CHORDC1: variants seen among roughly 807,000 people sequenced by gnomAD.
The protein encoded by CHORDC1 is cysteine and histidine-rich domain-containing protein 1.
A neutral mutation model predicts 48.3 loss-of-function variants in CHORDC1; 25 were observed. The observed-to-expected ratio is 0.52, with a 90% confidence interval of 0.38 to 0.72. The LOEUF is 0.72. Among genes scored for constraint, CHORDC1 ranks in the 30% least tolerant of loss-of-function variants. The probability of loss-of-function intolerance (pLI) is 0.00; values close to 1 mark genes in which losing one functional copy is unlikely to be tolerated. For synonymous variants in CHORDC1, 128 were observed against 126.4 expected (o/e 1.01, Z -0.09); for missense variants, 317 against 388.7 (o/e 0.82, Z 1.55).
chr11:90,205,887 C>A, intron 7 of CHORDC1: 1 of 439,882 alleles, frequency 2.3e-6, no homozygotes, highest in East Asian at 4.5e-5. Context: ...ATTCTAAATG[C>A]CCTGCAATGT....
At chr11:90,203,977 A>G (rs182196979) in intron 8 of CHORDC1, among the ~76,000 whole-genome samples, 1 of 152,264 alleles carries the variant, frequency 6.6e-6, no homozygotes, top group East Asian at 1.9e-4. Flanking sequence ...CTTACATACC[A>G]GTAGTATACT....
intron 7 of CHORDC1, chr11:90,205,988 TGACC>T: frequency 1.8e-6 from 1 of 554,228 alleles, no homozygotes; most frequent in Non-Finnish European, 3.3e-6. Context: ...TATATCACAA[TGACC>T]ACTTAAGAAC....
chr11:90,205,954 G>T, intron 7 of CHORDC1: 1 of 502,162 alleles, frequency 2.0e-6, no homozygotes, highest in Non-Finnish European at 3.6e-6. Flanking sequence ...TTTAAATACA[G>T]AATATGAAGA....
Position 90,214,817 on chromosome 11 carries a change from T to A in CHORDC1, c.171+357A>T, listed in dbSNP as rs1857967286. 2.0e-5 allele frequency among the ~76,000 whole-genome samples: 3 copies of A among 152,072 alleles called. No homozygotes were observed. In the South Asian group the frequency reaches 6.2e-4, roughly 32 times the overall value. On this transcript the variant is annotated intron_variant, in intron 3 of 10. Transcript: ENST00000320585. The stretch of plus-strand genomic sequence containing the variant: ...TTTCTTAGTGGTATATAAAGTGGTT[T>A]TATATAAAAGTGGTATGTAAAATAT...
At chr11:90,210,995 T>A (rs974647843) in intron 5 of CHORDC1, 11 of 323,892 alleles carry the variant, frequency 3.4e-5, no homozygotes, top group East Asian at 3.0e-4. Context: ...AGAAAAAAAA[T>A]TTAATATAGG....
In CHORDC1 at chr11:90,200,856, A is replaced by G. The variant is rs954605418; in HGVS notation, c.*1549T>C. Reference sequence around the variant, plus strand: ...ATTATCAACCTTTCCCCCAACCCATAAAGACTTCATGTCTCTAAATGGTTC... The same window carrying G: ...ATTATCAACCTTTCCCCCAACCCATGAAGACTTCATGTCTCTAAATGGTTC... On this transcript the variant is annotated 3_prime_UTR_variant, in exon 11 of 11. Coordinates refer to ENST00000320585, the MANE Select transcript of CHORDC1 (RefSeq NM_012124.3). Among the ~76,000 whole-genome samples, 1 of 152,016 alleles carries G rather than the reference A, an allele frequency of 6.6e-6. No individual in the cohort carries two copies. The highest frequency in any genetic ancestry group is 2.4e-5 in the African/African-American group (1 of 41,450).
At chr11:90,213,837 T>C (rs1212217299) in intron 4 of CHORDC1, 181 bp downstream of exon 4, 2 of 556,040 alleles carry the variant, frequency 3.6e-6, no homozygotes, top group Middle Eastern at 3.9e-4. Context: ...ATTGTGTACA[T>C]GCTCTCAAGT....
Position 90,202,338 on chromosome 11 carries a change from C to CA in CHORDC1, c.*66dup, listed in dbSNP as rs1369454116. 9.8e-6 allele frequency: 14 copies of CA among 1,434,430 alleles called. No homozygotes were observed. In the East Asian group the frequency reaches 1.4e-4, roughly 14 times the overall value. The allele number at this position is 1,434,430 out of a possible 1,614,324, so 88.9% of individuals were successfully genotyped here. A position where few individuals can be genotyped will look rare whatever the true frequency, so the allele number is the denominator to read the frequency against. ...ACAACAAAACAAAAGATTACAGCAG[C>CA]AAGCCACCACTTCACACAGTATTAA... On this transcript the variant is annotated 3_prime_UTR_variant, in exon 11 of 11. Transcript: ENST00000320585.
At chr11:90,205,298 C>A (rs1308905909) in intron 8 of CHORDC1, among the ~76,000 whole-genome samples, 162 bp downstream of exon 8, 1 of 152,174 alleles carries the variant, frequency 6.6e-6, no homozygotes, top group Non-Finnish European at 1.5e-5. Flanking sequence ...AGTACACTGG[C>A]AGCTTGACTC....
rs1857545379 is a variant in CHORDC1 at position 90,201,589 on chromosome 11, T to C, written c.*816A>G. 6.6e-6 allele frequency: 1 copy of C among 152,396 alleles called. No individual in the cohort carries two copies. Among genetic ancestry groups the C allele is most frequent in the Admixed American group, 6.6e-5 (1 of 15,266 alleles). The allele number at this position is 152,396 out of a possible 1,614,324, so 9.4% of individuals were successfully genotyped here. On this transcript the variant is annotated 3_prime_UTR_variant, in exon 11 of 11. Coordinates refer to ENST00000320585, the MANE Select transcript of CHORDC1 (RefSeq NM_012124.3). Reference sequence around the variant, plus strand: ...TTTTCCATCAGGGAGGCAAGATATATATAATTTCTTTTTATATTTAACTAA... The same window carrying C: ...TTTTCCATCAGGGAGGCAAGATATACATAATTTCTTTTTATATTTAACTAA...
intron 8 of CHORDC1, among the ~76,000 whole-genome samples, chr11:90,203,820 T>A (rs1857601718): frequency 6.6e-6 from 1 of 152,154 alleles, no homozygotes; most frequent in African/African-American, 2.4e-5. Flanking sequence ...CTGGGATAAA[T>A]CAGACAACAC....
intron 8 of CHORDC1, among the ~76,000 whole-genome samples, chr11:90,204,549 T>C (rs1857621029): frequency 6.6e-6 from 1 of 152,022 alleles, no homozygotes; most frequent in South Asian, 2.1e-4. Context: ...TGAAAACCTG[T>C]CTCTATTAAA....
chr11:90,206,032 A>G, intron 7 of CHORDC1, 170 bp downstream of exon 7: 1 of 623,092 alleles, frequency 1.6e-6, no homozygotes, highest in Non-Finnish European at 2.9e-6. Context: ...TCTCATGTAT[A>G]AACACACAAC....
intron 9 of CHORDC1, 85 bp downstream of exon 9, chr11:90,203,223 G>T: frequency 1.6e-6 from 2 of 1,273,536 alleles, no homozygotes; most frequent in South Asian, 3.4e-5. Context: ...AATCAGCTGA[G>T]ATATAAACAA....
chr11:90,211,156 T>C (rs938205561), intron 5 of CHORDC1, 59 bp downstream of exon 5: 34 of 1,186,418 alleles, frequency 2.9e-5, no homozygotes, highest in Non-Finnish European at 3.9e-5. Flanking sequence ...TTCTCTCTTT[T>C]GGATAACTGC....
At chr11:90,214,805 T>C (rs1288840508) in intron 3 of CHORDC1, among the ~76,000 whole-genome samples, 2 of 152,084 alleles carry the variant, frequency 1.3e-5, no homozygotes, top group Non-Finnish European at 2.9e-5. Flanking sequence ...CTTAGTGGTA[T>C]ATAAAGTGGT....
rs34095734 is a variant in CHORDC1 at position 90,200,646 on chromosome 11, A to ATG, written c.*1757_*1758dup. Reference sequence around the variant, plus strand: ...GACTAAATATAAAAGCTACATATGTATGTGTGTGTGTGTGTGTATAAATCA... The same window carrying ATG: ...GACTAAATATAAAAGCTACATATGTATGTGTGTGTGTGTGTGTGTATAAATCA... On this transcript the variant is annotated 3_prime_UTR_variant, in exon 11 of 11. Transcript: ENST00000320585. Among the ~76,000 whole-genome samples, 37,993 of 150,534 alleles carry ATG rather than the reference A, an allele frequency of 0.25. 4,978 individuals are homozygous for ATG. Among genetic ancestry groups the ATG allele is most frequent in the Admixed American group, 0.38 (5,760 of 15,092 alleles).
chr11:90,203,370 T>A lies in CHORDC1; in HGVS notation c.727A>T (p.Ile243Phe). 1 of 1,599,634 alleles carries A rather than the reference T, an allele frequency of 6.3e-7. No homozygotes were observed. The highest frequency in any genetic ancestry group is 2.2e-5 in the East Asian group (1 of 44,716). ...AGTGAGTTTTTAGCATATACTGAAA[T>A]GGTAACTTCACCTCCAGTCTGATGC... Reference protein sequence around the residue: ...DWHQTGGEVTISVYAKNSLPE... With the variant: ...DWHQTGGEVTFSVYAKNSLPE... The change falls in exon 9 of 11, where the codon ATT (isoleucine) becomes TTT (phenylalanine). Residue 243 changes from isoleucine (I) to phenylalanine (F), a missense_variant. By Grantham distance (21) the Ile-to-Phe change is conservative (BLOSUM62 0). Coordinates refer to ENST00000320585, the MANE Select transcript of CHORDC1 (RefSeq NM_012124.3).
In CHORDC1 at chr11:90,202,164, T is replaced by C. The variant is rs565430481; in HGVS notation, c.*241A>G. 1.4e-5 allele frequency: 6 copies of C among 426,602 alleles called. No homozygotes were observed. The highest frequency in any genetic ancestry group is 4.1e-5 in the Admixed American group (1 of 24,258). 26.4% of individuals were successfully genotyped at this position (426,602 alleles called of 1,614,324 possible). A position where few individuals can be genotyped will look rare whatever the true frequency, so the allele number is the denominator to read the frequency against. On this transcript the variant is annotated 3_prime_UTR_variant, in exon 11 of 11. Coordinates refer to ENST00000320585, the MANE Select transcript of CHORDC1 (RefSeq NM_012124.3). The stretch of plus-strand genomic sequence containing the variant: ...GGCTACTTTCCAGCCTCTTCAAGTA[T>C]AGGACACAACTATGGTTCCTACCAG...
Sources: allele counts gnomAD v4.1 joint callset (sites outside exome capture counted in the v4.1 genomes callset), GRCh38; gene constraint gnomAD v4.1.1; transcripts MANE v1.5; gene names NCBI Gene and HGNC (gene_info 2026-07-23, HGNC 2026-07-21).